ABHD2: variants seen among roughly 807,000 people sequenced by gnomAD.
ABHD2 encodes monoacylglycerol lipase ABHD2.
A neutral mutation model predicts 48.1 loss-of-function variants in ABHD2; 20 were observed. The observed-to-expected ratio is 0.42, with a 90% CI of 0.29 to 0.60. ABHD2 has a LOEUF of 0.60. Among genes scored for constraint, ABHD2 ranks in the 20% least tolerant of loss-of-function variants. The probability of loss-of-function intolerance (pLI) is 0.24; values close to 1 mark genes in which losing one functional copy is unlikely to be tolerated. For synonymous variants in ABHD2, 209 were observed against 214.2 expected, an observed-to-expected ratio of 0.98 and a Z score of 0.21; for missense variants, 405 against 550.9, an observed-to-expected ratio of 0.74 and a Z score of 2.65.
At chr15:89,145,262 GAAACA>G (rs796979692) in intron 3 of ABHD2, among the ~76,000 whole-genome samples, 6 of 152,062 alleles carry the variant, frequency 3.9e-5, no homozygotes, top group African/African-American at 1.4e-4. Context: ...TTGCAAAAAC[GAAACA>G]AAACAAAACA....
intron 1 of ABHD2, among the ~76,000 whole-genome samples, chr15:89,099,637 A>C (rs2150782638): frequency 6.6e-6 from 1 of 151,346 alleles, no homozygotes; most frequent in Non-Finnish European, 1.5e-5. Context: ...AATAAATAAA[A>C]GGCGGGGTGC....
chr15:89,098,272 G>A (rs962711651), intron 1 of ABHD2, among the ~76,000 whole-genome samples: 1 of 152,040 alleles, frequency 6.6e-6, no homozygotes, highest in Non-Finnish European at 1.5e-5. Context: ...AAAAATTGAG[G>A]GACATACAAT....
intron 3 of ABHD2, among the ~76,000 whole-genome samples, chr15:89,126,021 G>A (rs891213809): frequency 3.3e-5 from 5 of 152,166 alleles, no homozygotes; most frequent in African/African-American, 1.2e-4. Context: ...TTTATGTGCC[G>A]AGCATTCTTT....
chr15:89,161,300 T>A (rs1366850363), intron 5 of ABHD2, among the ~76,000 whole-genome samples: 1 of 152,234 alleles, frequency 6.6e-6, no homozygotes, highest in Non-Finnish European at 1.5e-5. Flanking sequence ...AGTGTACCCT[T>A]TACCCAACCT....
rs904787266 is a variant in ABHD2 at position 89,137,133 on chromosome 15, G to A, written c.195-14544G>A. Among the ~76,000 whole-genome samples the A allele has an allele frequency of 3.3e-5, 5 of 152,098 alleles. No individual in the cohort carries two copies. Among genetic ancestry groups the A allele is most frequent in the African/African-American group, 1.2e-4 (5 of 41,402 alleles). ...TCTCTAACGGATCCAGGGTTCCAGTGGAACCCTGGAGACTGGAACTCTGGA... is the reference window on the plus strand; with the variant it reads ...TCTCTAACGGATCCAGGGTTCCAGTAGAACCCTGGAGACTGGAACTCTGGA... On this transcript the variant is annotated intron_variant, in intron 3 of 10. Coordinates refer to ENST00000352732, the MANE Select transcript of ABHD2 (RefSeq NM_152924.5). The surrounding 1 kb of genome is among the most constrained non-coding windows in gnomAD (Gnocchi z 4.8).
rs181508335 is a variant in ABHD2 at position 89,097,762 on chromosome 15, G to A, written c.-107+9199G>A. 6.6e-6 allele frequency among the ~76,000 whole-genome samples: 1 copy of A among 152,240 alleles called. No individual in the cohort carries two copies. On this transcript the variant is annotated intron_variant, in intron 1 of 10. Transcript: ENST00000352732. This position sits in a 1 kb window ranked among gnomAD's most constrained non-coding sequence, Gnocchi z 4.2. ...GTATATTTTTTCAGAGATCTTTTATGTGTGTCCCAGCAAATGTGTATGCAT... is the reference window on the plus strand; with the variant it reads ...GTATATTTTTTCAGAGATCTTTTATATGTGTCCCAGCAAATGTGTATGCAT...
At chr15:89,065,834 A>G in the ABHD2 span, among the ~76,000 whole-genome samples, 11 of 152,334 alleles carry the variant, frequency 7.2e-5, no homozygotes, top group Non-Finnish European at 1.5e-4. Flanking sequence ...ATCCCAGGGA[A>G]AAGGAAGACT....
Position 89,097,553 on chromosome 15 carries a change from C to T in ABHD2, c.-107+8990C>T, listed in dbSNP as rs576739940. On this transcript the variant is annotated intron_variant, in intron 1 of 10. Coordinates refer to ENST00000352732, the MANE Select transcript of ABHD2 (RefSeq NM_152924.5). The surrounding 1 kb of genome is among the most constrained non-coding windows in gnomAD (Gnocchi z 4.2). Reference sequence around the variant, plus strand: ...TATGTCTCTTTTAAGCTATAGGTCCCCTTTTCTTTTCTTTTTTCTTCTTTT... The same window carrying T: ...TATGTCTCTTTTAAGCTATAGGTCCTCTTTTCTTTTCTTTTTTCTTCTTTT... Among the ~76,000 whole-genome samples, 3 of 152,212 alleles carry T rather than the reference C, an allele frequency of 2.0e-5. No individual in the cohort carries two copies. The South Asian group carries it at 6.2e-4, about 32-fold the overall frequency.
At chr15:89,068,009 A>C in the ABHD2 span, among the ~76,000 whole-genome samples, 3 of 152,142 alleles carry the variant, frequency 2.0e-5, no homozygotes, top group South Asian at 6.2e-4. Context: ...TCTTTACCAT[A>C]GAAGAAGGGA....
the ABHD2 span, among the ~76,000 whole-genome samples, chr15:89,063,052 C>G: frequency 1.3e-5 from 2 of 151,120 alleles, no homozygotes; most frequent in Admixed American, 6.6e-5. Flanking sequence ...ACTGCAACCT[C>G]CACCTCCTGG....
chr15:89,054,211 A>G, the ABHD2 span, among the ~76,000 whole-genome samples: 1 of 151,412 alleles, frequency 6.6e-6, no homozygotes. Context: ...AGTCCCAGCT[A>G]CTCGGGAGGC....
rs1901622607 is a variant in ABHD2 at position 89,092,175 on chromosome 15, C to G, written c.-107+3612C>G. On this transcript the variant is annotated intron_variant, in intron 1 of 10. Transcript: ENST00000352732. The surrounding 1 kb of genome is among the most constrained non-coding windows in gnomAD (Gnocchi z 4.4). ...GGACAGACGATAAGCTCCACCATTACCCCTGAAGCTTGTGGACTGGGGCCA... is the reference window on the plus strand; with the variant it reads ...GGACAGACGATAAGCTCCACCATTAGCCCTGAAGCTTGTGGACTGGGGCCA... 6.6e-6 allele frequency among the ~76,000 whole-genome samples: 1 copy of G among 152,202 alleles called. No homozygotes were observed. The highest frequency in any genetic ancestry group is 1.5e-5 in the Non-Finnish European group (1 of 68,038).
intron 5 of ABHD2, among the ~76,000 whole-genome samples, chr15:89,171,857 G>A (rs979162824): frequency 6.6e-6 from 1 of 152,134 alleles, no homozygotes; most frequent in Non-Finnish European, 1.5e-5. Context: ...GAACACCCAT[G>A]GCCAGATCCC....
chr15:89,056,622 G>A, the ABHD2 span, among the ~76,000 whole-genome samples: 1 of 151,926 alleles, frequency 6.6e-6, no homozygotes, highest in Non-Finnish European at 1.5e-5. Context: ...CAGCCTGGGC[G>A]ACAGAGCAAG....
In ABHD2 at chr15:89,195,132, G is replaced by A. The variant is rs1242145228; in HGVS notation, c.1082-95G>A. On this transcript the variant is annotated intron_variant, in intron 10 of 10. Coordinates refer to ENST00000352732, the MANE Select transcript of ABHD2 (RefSeq NM_152924.5). The surrounding 1 kb of genome is among the most constrained non-coding windows in gnomAD (Gnocchi z 5.1). ...GATGCCCACTTAGGTGACCCTGCGG[G>A]GACAGCCAGGCTACCCTAGCCAGCT... The A allele has an allele frequency of 7.0e-6, 10 of 1,435,468 alleles. No individual in the cohort carries two copies. Among genetic ancestry groups the A allele is most frequent in the Admixed American group, 4.1e-5 (2 of 48,224 alleles). 88.9% of individuals were successfully genotyped at this position (1,435,468 alleles called of 1,614,324 possible). A position where few individuals can be genotyped will look rare whatever the true frequency, so the allele number is the denominator to read the frequency against.
the ABHD2 span, among the ~76,000 whole-genome samples, chr15:89,044,073 G>A: frequency 6.6e-6 from 1 of 151,832 alleles, no homozygotes; most frequent in Admixed American, 6.6e-5. Context: ...CCCACAACAG[G>A]CCCCAGAGTG....
chr15:89,135,239 T>A (rs574343264), intron 3 of ABHD2, among the ~76,000 whole-genome samples: 2 of 145,890 alleles, frequency 1.4e-5, no homozygotes, highest in African/African-American at 5.1e-5. Context: ...ATGAAAAAAC[T>A]ACCATCCCCA....
At chr15:89,190,509 T>C (rs907066551) in intron 8 of ABHD2, among the ~76,000 whole-genome samples, 1 of 152,146 alleles carries the variant, frequency 6.6e-6, no homozygotes, top group African/African-American at 2.4e-5. Context: ...GTTACTCCAC[T>C]AAGAACTCTG....
chr15:89,141,032 G>A lies in ABHD2; in HGVS notation c.195-10645G>A, dbSNP rs554612290. On this transcript the variant is annotated intron_variant, in intron 3 of 10. Coordinates refer to ENST00000352732, the MANE Select transcript of ABHD2 (RefSeq NM_152924.5). Reference sequence around the variant, plus strand: ...CACCCATGCTGGAGTGCAGTGGCCCGATCATAACTCACTGCAGCCTTGACC... The same window carrying A: ...CACCCATGCTGGAGTGCAGTGGCCCAATCATAACTCACTGCAGCCTTGACC... Among the ~76,000 whole-genome samples, 7 of 151,814 alleles carry A rather than the reference G, an allele frequency of 4.6e-5. No homozygotes were observed. In the South Asian group the frequency reaches 1.2e-3, roughly 27 times the overall value.
Sources: gnomAD v4.1 joint callset for allele counts (sites outside exome capture counted in the v4.1 genomes callset) on GRCh38, gnomAD v4.1.1 for gene constraint, Gnocchi (gnomAD v3.1) non-coding constraint, MANE v1.5 for transcripts, NCBI Gene and HGNC (gene_info 2026-07-23, HGNC 2026-07-21) for gene names.